RHBDL2: variants seen among roughly 807,000 people sequenced by gnomAD.
The protein encoded by RHBDL2 is rhomboid like 2.
In RHBDL2, 26 loss-of-function variants were observed where a neutral mutation model predicts 31.7. The ratio of observed to expected loss-of-function variants is 0.82; its 90% CI spans 0.60 to 1.14. The LOEUF is 1.14. Ranked by LOEUF, RHBDL2 falls within the 50% of genes most tolerant of loss-of-function variation. The pLI is 0.00. For synonymous variants in RHBDL2, 123 were observed against 127.2 expected, an observed-to-expected ratio of 0.97 and a Z score of 0.22; for missense variants, 336 against 364.4, an observed-to-expected ratio of 0.92 and a Z score of 0.63.
chr1:38,918,929 T>C (rs1466519357), intron 2 of RHBDL2, 38 bp downstream of exon 2: 4 of 1,592,078 alleles, frequency 2.5e-6, no homozygotes, highest in East Asian at 4.5e-5. Flanking sequence ...AGCTTCCCCA[T>C]GCCACTTACC....
At chr1:38,917,636 G>C (rs577828018) in intron 2 of RHBDL2, among the ~76,000 whole-genome samples, 1 of 152,298 alleles carries the variant, frequency 6.6e-6, no homozygotes, top group South Asian at 2.1e-4. Flanking sequence ...AGATGTCTCA[G>C]ATCCGGACGA....
intron 1 of RHBDL2, among the ~76,000 whole-genome samples, chr1:38,931,457 G>A (rs992114619): frequency 1.3e-5 from 2 of 151,936 alleles, no homozygotes; most frequent in African/African-American, 2.4e-5. Context: ...GGAAGGCAGA[G>A]CTTGCAGTAA....
At chr1:38,934,986 C>T (rs988796239) in intron 1 of RHBDL2, among the ~76,000 whole-genome samples, 6 of 151,554 alleles carry the variant, frequency 4.0e-5, no homozygotes, top group African/African-American at 9.7e-5. Context: ...TTTAAAGAAG[C>T]TCTGTTCTGT....
At chr1:38,936,516 TCA>T (rs1643513862) in intron 1 of RHBDL2, among the ~76,000 whole-genome samples, 3 of 149,552 alleles carry the variant, frequency 2.0e-5, no homozygotes, top group African/African-American at 7.4e-5. Context: ...TTTTTTTTTT[TCA>T]AGATGGAGTT....
At chr1:38,928,388 C>T (rs1447474210) in intron 1 of RHBDL2, among the ~76,000 whole-genome samples, 7 of 152,162 alleles carry the variant, frequency 4.6e-5, no homozygotes, top group African/African-American at 1.4e-4. Flanking sequence ...TTGATCCACC[C>T]GCCTCGGGCT....
At chr1:38,891,129 C>T (rs1642848449) in intron 6 of RHBDL2, among the ~76,000 whole-genome samples, 1 of 151,702 alleles carries the variant, frequency 6.6e-6, no homozygotes, top group Non-Finnish European at 1.5e-5. Flanking sequence ...ATTAGCCAGG[C>T]ATGGTGGCAT....
chr1:38,907,927 C>A (rs1029587963), intron 4 of RHBDL2, among the ~76,000 whole-genome samples: 2 of 151,824 alleles, frequency 1.3e-5, no homozygotes, highest in African/African-American at 4.8e-5. Flanking sequence ...CTCTGAAAGA[C>A]CTTGGTAAGA....
intron 4 of RHBDL2, among the ~76,000 whole-genome samples, chr1:38,906,082 A>T (rs536377139): frequency 6.6e-6 from 1 of 152,108 alleles, no homozygotes; most frequent in East Asian, 1.9e-4. Context: ...AAAAAAAAAA[A>T]ACTTACAGCT....
rs757627195 is a variant in RHBDL2, at chr1:38,911,350, C to T, written c.480G>A (p.Gly160=). 1.2e-6 allele frequency: 2 copies of T among 1,613,360 alleles called. No homozygotes were observed. The highest frequency in any genetic ancestry group is 1.1e-5 in the South Asian group (1 of 91,078). Residue 160 remains glycine, a synonymous_variant, in exon 4 of 8, where the codon GGG becomes GGA. Transcript: ENST00000372990. ...CAATCACTCCTGCCAGGTACACCAG[C>T]CCCACACGGAGGCCTTTGTGGACCA... ...LEMVHKGLRV[G]LVYLAGVIAG...
intron 1 of RHBDL2, among the ~76,000 whole-genome samples, chr1:38,920,170 T>TTC (rs1553159773): frequency 7.0e-6 from 1 of 143,200 alleles, no homozygotes; most frequent in Non-Finnish European, 1.5e-5. Context: ...TGTTTTCTTT[T>TTC]TTTTTTTTTT....
At chr1:38,941,255 G>A (rs1404199128) in intron 1 of RHBDL2, among the ~76,000 whole-genome samples, 1 of 152,208 alleles carries the variant, frequency 6.6e-6, no homozygotes, top group Non-Finnish European at 1.5e-5. Context: ...AGTGGAGACT[G>A]TCTCCCTGGC....
chr1:38,915,257 C>T (rs144803617), intron 3 of RHBDL2, among the ~76,000 whole-genome samples: 1,980 of 151,456 alleles, frequency 0.013, 26 homozygotes, highest in Non-Finnish European at 0.018. Flanking sequence ...CTCAGCCTCC[C>T]GGGACTACAG....
intron 3 of RHBDL2, 46 bp downstream of exon 3, chr1:38,915,516 T>C (rs1484325279): frequency 6.3e-7 from 1 of 1,593,020 alleles, no homozygotes; most frequent in African/African-American, 1.3e-5. Flanking sequence ...GAGGTTACAA[T>C]GATATAATCA....
chr1:38,929,664 C>A, intron 1 of RHBDL2: 1 of 827,654 alleles, frequency 1.2e-6, no homozygotes, highest in Non-Finnish European at 1.5e-6. Context: ...CTGGGTGTAG[C>A]CAATTGCTGC....
Position 38,915,602 on chromosome 1 carries a change from C to T in RHBDL2, c.355G>A (p.Glu119Lys), listed in dbSNP as rs775589024. The part of the protein sequence containing the change: ...PFIYSPEKRE[E>K]AWRFISYMLV... The stretch of plus-strand genomic sequence containing the variant: ...ATGTATGAGATAAACCTCCAGGCTT[C>T]CTCCCTCTTCTCAGGACTGTAGATA... Residue 119 changes from glutamate (E) to lysine (K), a missense_variant, in exon 3 of 8, where the codon GAA becomes AAA. Physicochemically the swap from Glu to Lys is moderately conservative, Grantham distance 56 (BLOSUM62 1). Coordinates refer to ENST00000372990, the MANE Select transcript of RHBDL2 (RefSeq NM_017821.5). 1 of 1,614,174 alleles carries T rather than the reference C, an allele frequency of 6.2e-7. No homozygotes were observed. Among genetic ancestry groups the T allele is most frequent in the South Asian group, 1.1e-5 (1 of 91,072 alleles).
chr1:38,918,432 A>T (rs1001540914), intron 2 of RHBDL2, among the ~76,000 whole-genome samples: 1 of 152,188 alleles, frequency 6.6e-6, no homozygotes, highest in Non-Finnish European at 1.5e-5. Flanking sequence ...TGGGATAGTC[A>T]TCCCACCTCT....
chr1:38,902,201 C>CTTTTTTTTTTT lies in RHBDL2; in HGVS notation c.509-6143_509-6133dup, dbSNP rs770169792. Among the ~76,000 whole-genome samples the CTTTTTTTTTTT allele has an allele frequency of 4.7e-4, 44 of 92,824 alleles. 1 individual carries two copies. The highest frequency in any genetic ancestry group is 1.7e-3 in the South Asian group (4 of 2,348). 60.9% of individuals were successfully genotyped at this position (92,824 alleles called of 152,430 possible). ...TTTTGTTTTCTTCTTTTTTCTTTTTCTTTTTTTTTTTTTTTTTTTTTTGAG... is the reference window on the plus strand; with the variant it reads ...TTTTGTTTTCTTCTTTTTTCTTTTTCTTTTTTTTTTTTTTTTTTTTTTTTTTTTTTTTTGAG... On this transcript the variant is annotated intron_variant, in intron 4 of 7. Transcript: ENST00000372990.
intron 4 of RHBDL2, among the ~76,000 whole-genome samples, chr1:38,899,526 C>T (rs1434861307): frequency 6.6e-6 from 1 of 152,164 alleles, no homozygotes; most frequent in African/African-American, 2.4e-5. Context: ...GGATGCTGAC[C>T]CCTGAACTCC....
At chr1:38,905,795 T>C (rs910595337) in intron 4 of RHBDL2, among the ~76,000 whole-genome samples, 9 of 147,676 alleles carry the variant, frequency 6.1e-5, no homozygotes, top group Admixed American at 5.5e-4. Flanking sequence ...AGGCCAGGCA[T>C]AGTTGCTCAC....
Sources: gnomAD v4.1 joint callset for allele counts (sites outside exome capture counted in the v4.1 genomes callset) on GRCh38, gnomAD v4.1.1 for gene constraint, MANE v1.5 for transcripts, NCBI Gene and HGNC (gene_info 2026-07-23, HGNC 2026-07-21) for gene names.